GPC5: variants seen among roughly 807,000 people sequenced by gnomAD.
The protein encoded by GPC5 is glypican 5.
Under a neutral mutation model 53.9 loss-of-function variants are expected in GPC5, and 47 were observed. The observed-to-expected ratio is 0.87, with a 90% CI of 0.69 to 1.11. The LOEUF (loss-of-function observed/expected upper bound fraction) is 1.11. Among genes scored for constraint, GPC5 ranks in the 50% most tolerant of loss-of-function variants. The pLI is 0.00. For missense variants in GPC5, 748 were observed against 713.1 expected, an observed-to-expected ratio of 1.05 and a Z score of -0.56; for synonymous variants, 286 against 263.3, an observed-to-expected ratio of 1.09 and a Z score of -0.84.
At chr13:91,486,007 T>C (rs1232160571) in intron 2 of GPC5, 5 of 152,192 alleles carry the variant, frequency 3.3e-5, no homozygotes, top group Admixed American at 6.5e-5. Flanking sequence ...AAGAGGCTTT[T>C]AAAAAAGGCA....
At chr13:92,146,720 C>G in intron 7 of GPC5, among the ~76,000 whole-genome samples, 1 of 152,088 alleles carries the variant, frequency 6.6e-6, no homozygotes, top group East Asian at 1.9e-4. Flanking sequence ...GCCTTTGCAT[C>G]CTCATAGCTT....
intron 7 of GPC5, among the ~76,000 whole-genome samples, chr13:92,798,761 A>C (rs1414589985): frequency 6.6e-6 from 1 of 151,864 alleles, no homozygotes. Context: ...AAAAGTTTCT[A>C]ACTTATGGTC....
chr13:91,553,001 G>A (rs2030737766), intron 2 of GPC5, among the ~76,000 whole-genome samples: 1 of 152,076 alleles, frequency 6.6e-6, no homozygotes, highest in Admixed American at 6.6e-5. Context: ...GGTTCAACTG[G>A]CAGTATTTTT....
intron 7 of GPC5, among the ~76,000 whole-genome samples, chr13:92,436,130 A>G (rs1382323978): frequency 6.6e-6 from 1 of 152,186 alleles, no homozygotes; most frequent in East Asian, 1.9e-4. Flanking sequence ...TGACAATATC[A>G]TCCATTAATG....
At chr13:92,610,884 AC>A (rs1439322605) in intron 7 of GPC5, among the ~76,000 whole-genome samples, 42 of 152,174 alleles carry the variant, frequency 2.8e-4, no homozygotes, top group African/African-American at 7.5e-4. Flanking sequence ...TCCCATTGAC[AC>A]ATGGGGGAAA....
chr13:92,047,004 A>C (rs1024647823), intron 6 of GPC5, among the ~76,000 whole-genome samples: 3 of 152,218 alleles, frequency 2.0e-5, no homozygotes, highest in Admixed American at 6.5e-5. Context: ...CAGTAGATTT[A>C]AGTGATTTCA....
chr13:91,880,172 C>T (rs1459309374), intron 5 of GPC5, among the ~76,000 whole-genome samples: 1 of 151,926 alleles, frequency 6.6e-6, no homozygotes, highest in Admixed American at 6.6e-5. Context: ...ACCTATTTAA[C>T]ATTTTTAAAA....
At chr13:91,485,033 T>G (rs1205192931) in intron 2 of GPC5, among the ~76,000 whole-genome samples, 1 of 152,184 alleles carries the variant, frequency 6.6e-6, no homozygotes, top group East Asian at 1.9e-4. Flanking sequence ...ATAAAAAAAA[T>G]GCAGAACCCC....
At chr13:92,423,451 G>GA (rs1276501868) in intron 7 of GPC5, among the ~76,000 whole-genome samples, 1 of 152,078 alleles carries the variant, frequency 6.6e-6, no homozygotes, top group Non-Finnish European at 1.5e-5. Context: ...AGTGAAATGG[G>GA]AAAAATAACC....
intron 6 of GPC5, among the ~76,000 whole-genome samples, chr13:92,047,443 T>TA (rs59836982): frequency 0.5 from 61,917 of 124,070 alleles, 13,215 homozygotes; most frequent in Admixed American, 0.56. Flanking sequence ...TATATATATA[T>TA]TTTTTTTTCC....
intron 6 of GPC5, among the ~76,000 whole-genome samples, chr13:92,105,944 C>A (rs1385330175): frequency 2.0e-5 from 3 of 152,014 alleles, no homozygotes; most frequent in African/African-American, 7.2e-5. Flanking sequence ...CCTTGGTCTT[C>A]ATATAAATGG....
At chr13:92,613,376 T>TGTG (rs1263765213) in intron 7 of GPC5, among the ~76,000 whole-genome samples, 1 of 72,594 alleles carries the variant, frequency 1.4e-5, no homozygotes, top group African/African-American at 5.1e-5. Flanking sequence ...TATATATAAA[T>TGTG]ATATTATATT....
intron 7 of GPC5, among the ~76,000 whole-genome samples, chr13:92,740,568 ATAAC>A (rs1889055531): frequency 6.6e-6 from 1 of 152,100 alleles, no homozygotes; most frequent in African/African-American, 2.4e-5. Context: ...TGAGCATTAA[ATAAC>A]TAAATTATTA....
At chr13:91,446,170 T>C (rs902153642) in intron 1 of GPC5, among the ~76,000 whole-genome samples, 1 of 152,194 alleles carries the variant, frequency 6.6e-6, no homozygotes, top group Non-Finnish European at 1.5e-5. Flanking sequence ...GTGAAAACTA[T>C]GCTGCCACTG....
intron 2 of GPC5, among the ~76,000 whole-genome samples, chr13:91,522,058 C>T (rs577118790): frequency 6.6e-6 from 1 of 152,356 alleles, no homozygotes; most frequent in African/African-American, 2.4e-5. Flanking sequence ...CACCTCTGTG[C>T]CCTCCCCAGG....
intron 6 of GPC5, among the ~76,000 whole-genome samples, chr13:91,953,693 C>T (rs1391868598): frequency 1.3e-5 from 2 of 152,280 alleles, no homozygotes; most frequent in African/African-American, 4.8e-5. Flanking sequence ...GGTCCAAGAT[C>T]AATGTGCTGA....
intron 6 of GPC5, among the ~76,000 whole-genome samples, chr13:91,967,807 A>G (rs940250139): frequency 5.9e-5 from 9 of 152,142 alleles, no homozygotes; most frequent in Admixed American, 5.2e-4. Flanking sequence ...AATTTCAACT[A>G]AAGTTTATAC....
intron 7 of GPC5, among the ~76,000 whole-genome samples, chr13:92,701,873 A>G (rs1358341784): frequency 6.6e-6 from 1 of 152,166 alleles, no homozygotes; most frequent in African/African-American, 2.4e-5. Context: ...TAGGGAAAAT[A>G]AAAGCTAATT....
chr13:92,031,833 A>AATATATTACATATTATATATATG (rs2040851431), intron 6 of GPC5, among the ~76,000 whole-genome samples: 1 of 97,814 alleles, frequency 1.0e-5, no homozygotes, highest in African/African-American at 4.9e-5. Context: ...TATATAATAT[A>AATATATTACATATTATATATATG]TAATATATTA....
Sources: gnomAD v4.1 joint callset for allele counts (sites outside exome capture counted in the v4.1 genomes callset) on GRCh38, gnomAD v4.1.1 for gene constraint, MANE v1.5 for transcripts, NCBI Gene and HGNC (gene_info 2026-07-23, HGNC 2026-07-21) for gene names.